The following MCTP1 variants were observed in gnomAD, a reference collection of about 807,000 sequenced individuals.
MCTP1 encodes the protein multiple C2 and transmembrane domain containing 1.
In MCTP1, 69 loss-of-function variants were observed where a neutral mutation model predicts 120.6. The observed-to-expected ratio is 0.57, with a 90% CI of 0.47 to 0.70. MCTP1 has a LOEUF of 0.70. Among genes scored for constraint, MCTP1 ranks in the 30% least tolerant of loss-of-function variants. The pLI, the probability that MCTP1 is intolerant of heterozygous loss-of-function variation, is 0.00. For missense variants in MCTP1, 1,203 were observed against 1,248.8 expected (o/e 0.96, Z 0.55); for synonymous variants, 529 against 493.1 (o/e 1.07, Z -0.96).
intron 1 of MCTP1, among the ~76,000 whole-genome samples, chr5:95,275,991 C>A (rs1759795592): frequency 6.6e-6 from 1 of 152,132 alleles, no homozygotes; most frequent in African/African-American, 2.4e-5. Flanking sequence ...AGACAATGAA[C>A]CATGCTCAGT....
Position 94,713,011 on chromosome 5 carries a change from C to A in MCTP1, c.2720+1766G>T, listed in dbSNP as rs146033529. Among the ~76,000 whole-genome samples, 546 of 152,202 alleles carry A rather than the reference C, an allele frequency of 3.6e-3. 3 individuals are homozygous for A. Among genetic ancestry groups the A allele is most frequent in the African/African-American group, 0.013 (526 of 41,526 alleles). ...TAAAATAAAATAAAACTGCCCTTTT[C>A]TATTTCTACACTCTGCATTATGGAA... On this transcript the variant is annotated intron_variant, in intron 20 of 22. Coordinates refer to ENST00000515393, the MANE Select transcript of MCTP1 (RefSeq NM_024717.7).
At chr5:94,733,042 A>G (rs1017864945) in intron 19 of MCTP1, among the ~76,000 whole-genome samples, 5 of 152,216 alleles carry the variant, frequency 3.3e-5, no homozygotes, top group African/African-American at 1.2e-4. Flanking sequence ...AATTTTATCT[A>G]TTCCAAATAT....
intron 1 of MCTP1, among the ~76,000 whole-genome samples, chr5:95,202,097 C>T (rs1050985559): frequency 2.6e-5 from 4 of 152,030 alleles, no homozygotes; most frequent in South Asian, 2.1e-4. Context: ...GGGTCAGTGG[C>T]GTGAGTGGGG....
intron 7 of MCTP1, among the ~76,000 whole-genome samples, chr5:94,920,606 G>A (rs1811354224): frequency 1.3e-5 from 2 of 151,966 alleles, no homozygotes; most frequent in African/African-American, 4.8e-5. Context: ...GCCAGGCTTG[G>A]TGGCGGGCGC....
intron 8 of MCTP1, among the ~76,000 whole-genome samples, chr5:94,915,594 A>C (rs1480802845): frequency 3.3e-5 from 5 of 152,148 alleles, no homozygotes; most frequent in African/African-American, 1.2e-4. Flanking sequence ...AATGTGAAGT[A>C]AGTTTCTTTA....
intron 19 of MCTP1, among the ~76,000 whole-genome samples, chr5:94,778,350 A>G (rs1220744359): frequency 6.6e-6 from 1 of 152,138 alleles, no homozygotes; most frequent in Non-Finnish European, 1.5e-5. Context: ...GGAAATGTCC[A>G]GAGATGATGA....
At chr5:94,774,934 A>T (rs1464690022) in intron 19 of MCTP1, among the ~76,000 whole-genome samples, 1 of 152,096 alleles carries the variant, frequency 6.6e-6, no homozygotes, top group African/African-American at 2.4e-5. Context: ...ATCACTTCTC[A>T]TCCCCCTAAC....
At chr5:95,133,178 C>T (rs1759176503) in intron 1 of MCTP1, among the ~76,000 whole-genome samples, 1 of 152,140 alleles carries the variant, frequency 6.6e-6, no homozygotes, top group Non-Finnish European at 1.5e-5. Flanking sequence ...ATTGGTATAA[C>T]TTTTGTAAAA....
chr5:95,001,095 C>T (rs950966951), intron 2 of MCTP1, among the ~76,000 whole-genome samples: 1 of 152,198 alleles, frequency 6.6e-6, no homozygotes, highest in East Asian at 1.9e-4. Flanking sequence ...GGCATTTCTC[C>T]TGCTGGCACT....
chr5:95,150,614 G>A (rs1760802552), intron 1 of MCTP1, among the ~76,000 whole-genome samples: 1 of 151,964 alleles, frequency 6.6e-6, no homozygotes, highest in Non-Finnish European at 1.5e-5. Flanking sequence ...CTGGAAACGT[G>A]GTTATCATAT....
chr5:94,733,551 G>A (rs1207625354), intron 19 of MCTP1, among the ~76,000 whole-genome samples: 1 of 152,158 alleles, frequency 6.6e-6, no homozygotes, highest in African/African-American at 2.4e-5. Flanking sequence ...TATCTTAAAG[G>A]AACATTAGTA....
chr5:94,943,480 C>A (rs1474024800), intron 3 of MCTP1, among the ~76,000 whole-genome samples: 3 of 152,060 alleles, frequency 2.0e-5, no homozygotes. Context: ...CCAAAGGATG[C>A]TAAGTAAATG....
intron 5 of MCTP1, among the ~76,000 whole-genome samples, chr5:94,937,614 G>A (rs1449066540): frequency 6.6e-6 from 1 of 152,016 alleles, no homozygotes; most frequent in African/African-American, 2.4e-5. Flanking sequence ...CATGGAGACT[G>A]AAGGATTTTT....
intron 2 of MCTP1, among the ~76,000 whole-genome samples, chr5:94,954,878 A>G (rs925667888): frequency 3.9e-5 from 6 of 152,208 alleles, no homozygotes; most frequent in Admixed American, 2.0e-4. Flanking sequence ...AAAGGGGAAC[A>G]CATGTTTAAT....
intron 1 of MCTP1, among the ~76,000 whole-genome samples, chr5:95,036,731 T>C (rs2151837183): frequency 6.6e-6 from 1 of 152,312 alleles, no homozygotes; most frequent in African/African-American, 2.4e-5. Context: ...ATGTGAAAAA[T>C]ATCTAGATAG....
chr5:94,776,460 G>T (rs74854971), intron 19 of MCTP1, among the ~76,000 whole-genome samples: 1 of 152,116 alleles, frequency 6.6e-6, no homozygotes, highest in African/African-American at 2.4e-5. Flanking sequence ...CAAGTCCAAA[G>T]GTTATAGGAC....
chr5:94,765,483 T>A (rs1415516961), intron 19 of MCTP1, among the ~76,000 whole-genome samples: 2 of 152,130 alleles, frequency 1.3e-5, no homozygotes, highest in Non-Finnish European at 2.9e-5. Flanking sequence ...GTGGATCACC[T>A]GAGGTCAGGA....
At chr5:95,189,554 T>C (rs1020931365) in intron 1 of MCTP1, among the ~76,000 whole-genome samples, 13 of 152,100 alleles carry the variant, frequency 8.5e-5, no homozygotes, top group Non-Finnish European at 2.9e-5. Flanking sequence ...GAGTTTCTAA[T>C]GCAGGCATCT....
At chr5:95,126,373 G>A (rs1347747421) in intron 1 of MCTP1, among the ~76,000 whole-genome samples, 1 of 152,138 alleles carries the variant, frequency 6.6e-6, no homozygotes, top group African/African-American at 2.4e-5. Context: ...AAATGAAGGC[G>A]AGTCATAAAT....
Sources: allele counts gnomAD v4.1 joint callset (sites outside exome capture counted in the v4.1 genomes callset), GRCh38; gene constraint gnomAD v4.1.1; transcripts MANE v1.5; gene names NCBI Gene and HGNC (gene_info 2026-07-23, HGNC 2026-07-21).